Variants in MPRIP observed in about 807,000 individuals in gnomAD.
MPRIP encodes the protein myosin phosphatase Rho interacting protein.
MPRIP carries 59 observed loss-of-function variants against 234.9 expected under a neutral mutation model. The observed-to-expected ratio is 0.25, with a 90% CI of 0.20 to 0.31. The LOEUF is 0.31. MPRIP is among the 10% of genes least tolerant of loss of function. MPRIP has a pLI of 1.00. For synonymous variants in MPRIP, 1,144 were observed against 1,263.9 expected, an observed-to-expected ratio of 0.91 and a Z score of 2.01; for missense variants, 2,436 against 3,071.0, an observed-to-expected ratio of 0.79 and a Z score of 4.89.
chr17:17,176,576 G>T, intron 21 of MPRIP, 64 bp downstream of exon 21: 1 of 1,262,308 alleles, frequency 7.9e-7, no homozygotes, highest in South Asian at 1.2e-5. Context: ...TGCGCCTCCT[G>T]AACTCAGGCT....
chr17:17,062,991 G>A (rs2088912667), intron 1 of MPRIP, among the ~76,000 whole-genome samples: 1 of 152,220 alleles, frequency 6.6e-6, no homozygotes, highest in Non-Finnish European at 1.5e-5. Flanking sequence ...CTGGAGACTT[G>A]GACTCGAGAA....
intron 3 of MPRIP, among the ~76,000 whole-genome samples, chr17:17,115,758 A>G (rs1221103546): frequency 1.3e-5 from 2 of 151,776 alleles, no homozygotes; most frequent in Non-Finnish European, 3.0e-5. Flanking sequence ...ATGCAGCATC[A>G]TCTCACAACT....
chr17:17,085,023 A>G (rs941790197), intron 3 of MPRIP, among the ~76,000 whole-genome samples: 1 of 152,204 alleles, frequency 6.6e-6, no homozygotes, highest in Non-Finnish European at 1.5e-5. Flanking sequence ...TCAGTCTTAT[A>G]CTTTCAGGTT....
At chr17:17,176,542 T>C (rs1218608545) in intron 21 of MPRIP, 30 bp downstream of exon 21, 3 of 1,566,336 alleles carry the variant, frequency 1.9e-6, no homozygotes, top group Non-Finnish European at 2.6e-6. Context: ...GGAGGGCGGG[T>C]ACGGGAACAG....
At chr17:17,156,581 G>A (rs2045734967) in intron 13 of MPRIP, among the ~76,000 whole-genome samples, 1 of 152,212 alleles carries the variant, frequency 6.6e-6, no homozygotes, top group African/African-American at 2.4e-5. Context: ...TCCTGGGGTG[G>A]GGAAGTTGCA....
At chr17:17,109,479 C>T (rs555675047) in intron 3 of MPRIP, among the ~76,000 whole-genome samples, 1 of 152,286 alleles carries the variant, frequency 6.6e-6, no homozygotes, top group South Asian at 2.1e-4. Flanking sequence ...AAGGAACAGG[C>T]AGGCAAGGGA....
chr17:17,128,535 AC>A lies in MPRIP; in HGVS notation c.419+1683del, dbSNP rs1219343550. ...TGCCATACCCATGCAGCTTGGGTAG[AC>A]AAGATCGTTAATGGACCAAGGTACC... On this transcript the variant is annotated intron_variant, in intron 4 of 23. Transcript: ENST00000651222. Among the ~76,000 whole-genome samples, 3 of 152,126 alleles carry A rather than the reference AC, an allele frequency of 2.0e-5. No individual in the cohort carries two copies. In the East Asian group the frequency reaches 5.8e-4, roughly 29 times the overall value.
intron 1 of MPRIP, among the ~76,000 whole-genome samples, chr17:17,061,724 G>T (rs929753461): frequency 1.3e-5 from 2 of 152,140 alleles, no homozygotes; most frequent in African/African-American, 4.8e-5. Context: ...GGAGTCTGGG[G>T]TGGAGCCTGG....
chr17:17,173,794 A>T, intron 18 of MPRIP, 122 bp from the exon 19 acceptor site: 1 of 1,153,636 alleles, frequency 8.7e-7, no homozygotes, highest in Non-Finnish European at 1.3e-6. Context: ...CAGGCTGATT[A>T]AGACAACAGA....
intron 9 of MPRIP, among the ~76,000 whole-genome samples, chr17:17,143,960 G>A (rs2045399534): frequency 6.6e-6 from 1 of 152,240 alleles, no homozygotes; most frequent in South Asian, 2.1e-4. Context: ...AGGCGGCAGG[G>A]CTGCAGCAGG....
At chr17:17,064,141 G>A (rs2088948682) in intron 1 of MPRIP, among the ~76,000 whole-genome samples, 1 of 152,138 alleles carries the variant, frequency 6.6e-6, no homozygotes, top group Non-Finnish European at 1.5e-5. Context: ...ATACCCTGTA[G>A]ACCCCTGAGG....
chr17:17,045,534 C>T (rs1345668086), intron 1 of MPRIP, among the ~76,000 whole-genome samples: 1 of 152,150 alleles, frequency 6.6e-6, no homozygotes, highest in African/African-American at 2.4e-5. Flanking sequence ...GTTAGTTCCC[C>T]TACTCCTGTT....
At chr17:17,154,503 T>G (rs905192268) in intron 13 of MPRIP, 88 bp downstream of exon 13, 4 of 1,092,236 alleles carry the variant, frequency 3.7e-6, no homozygotes, top group Non-Finnish European at 5.6e-6. Flanking sequence ...GTCTGAAGTC[T>G]GAGACCTGAG....
chr17:17,165,761 C>T lies in MPRIP; in HGVS notation c.4170C>T (p.Leu1390=), dbSNP rs1045042357. 7.7e-7 allele frequency: 1 copy of T among 1,304,798 alleles called. No homozygotes were observed. Among genetic ancestry groups the T allele is most frequent in the Non-Finnish European group, 1.0e-6 (1 of 988,986 alleles). 80.8% of individuals were successfully genotyped at this position (1,304,798 alleles called of 1,614,324 possible). A position where few individuals can be genotyped will look rare whatever the true frequency, so the allele number is the denominator to read the frequency against. ...TCATCCACTCCCTGGAGACCAAGCT[C>T]TACGTCACAGAGGAAAAGCTCAAAG... is the stretch of plus-strand genomic sequence containing the variant. ...LSIIHSLETK[L]YVTEEKLKDV... is the part of the protein sequence containing the mutation. Residue 1390 remains leucine, a synonymous_variant, in exon 16 of 24, where the codon CTC becomes CTT. Transcript: ENST00000651222.
In MPRIP at chr17:17,165,907, A is replaced by T; in HGVS notation, c.4316A>T (p.Gln1439Leu). 7.7e-7 allele frequency: 1 copy of T among 1,303,954 alleles called. No homozygotes were observed. The highest frequency in any genetic ancestry group is 1.0e-6 in the Non-Finnish European group (1 of 988,794). The allele number at this position is 1,303,954 out of a possible 1,614,324, so 80.8% of individuals were successfully genotyped here. A position where few individuals can be genotyped will look rare whatever the true frequency, so the allele number is the denominator to read the frequency against. ...GAGCAGCTCCGCGCCAGCCTGCTCC[A>T]GGTTGGCGCACTGGCCTCCCAGCTG... is the stretch of plus-strand genomic sequence containing the variant. ...LREQLRASLL[Q>L]VGALASQLEQ... Residue 1439 changes from glutamine (Q) to leucine (L), a missense_variant, in exon 16 of 24, where the codon CAG becomes CTG. Physicochemically the swap from Gln to Leu is moderately radical, Grantham distance 113. This residue lies in a region of MPRIP where 1,998 missense variants were observed against 2,520.3 expected (regional missense o/e 0.79). Transcript: ENST00000651222.
At position 17,166,054 on chromosome 17, in the gene MPRIP, C is replaced by G. The variant is rs1264956904; in HGVS notation, c.4463C>G (p.Ser1488Cys). 3 of 1,303,056 alleles carry G rather than the reference C, an allele frequency of 2.3e-6. No homozygotes were observed. The highest frequency in any genetic ancestry group is 3.0e-6 in the Non-Finnish European group (3 of 988,248). The allele number at this position is 1,303,056 out of a possible 1,614,324, so 80.7% of individuals were successfully genotyped here. A position where few individuals can be genotyped will look rare whatever the true frequency, so the allele number is the denominator to read the frequency against. ...GAAAATTGCCGAGAACAACTGAGAT[C>G]TCTGCCTAGGGCCAGCCAGGAGGAT... is the stretch of plus-strand genomic sequence containing the variant. The part of the protein sequence containing the change: ...CLENCREQLR[S>C]LPRASQEDEQ... Residue 1488 changes from serine to cysteine, a missense_variant, in exon 16 of 24, where the codon TCT (serine) becomes TGT (cysteine). Ser to Cys is a moderately radical substitution (Grantham distance 112, BLOSUM62 -1). Transcript: ENST00000651222. The surrounding 1 kb of genome is among the most constrained non-coding windows in gnomAD (Gnocchi z 4.4).
At position 17,159,883 on chromosome 17, in the gene MPRIP, A is replaced by G. The variant is rs549068128; in HGVS notation, c.2400+881A>G. ...TTCTCATCTTTTTTGTATTTTATTAACTGTATGAGGCTGAGTTACCACCAG... is the reference window on the plus strand; with the variant it reads ...TTCTCATCTTTTTTGTATTTTATTAGCTGTATGAGGCTGAGTTACCACCAG... On this transcript the variant is annotated intron_variant, in intron 14 of 23. Coordinates refer to ENST00000651222, the MANE Select transcript of MPRIP (RefSeq NM_001364716.4). 5.3e-5 allele frequency among the ~76,000 whole-genome samples: 8 copies of G among 152,294 alleles called. No homozygotes were observed. The East Asian group carries it at 7.7e-4, about 15-fold the overall frequency.
In MPRIP at chr17:17,167,542, G is replaced by C; in HGVS notation, c.5951G>C (p.Arg1984Thr). The C allele has an allele frequency of 7.7e-7, 1 of 1,304,278 alleles. No homozygotes were observed. The highest frequency in any genetic ancestry group is 1.0e-6 in the Non-Finnish European group (1 of 988,974). 80.8% of individuals were successfully genotyped at this position (1,304,278 alleles called of 1,614,324 possible). The change falls in exon 16 of 24, where the codon AGG becomes ACG. Residue 1984 changes from arginine (R) to threonine (T), a missense_variant. Arg to Thr is a moderately conservative substitution (Grantham distance 71). This residue lies in a region of MPRIP where 1,998 missense variants were observed against 2,520.3 expected (regional missense o/e 0.79). Coordinates refer to ENST00000651222, the MANE Select transcript of MPRIP (RefSeq NM_001364716.4). The surrounding 1 kb of genome is among the most constrained non-coding windows in gnomAD (Gnocchi z 5.9). ...LSQLDASVRD[R>T]QDMERHHGEQ... Reference sequence around the variant, plus strand: ...CAGCTGGATGCCTCGGTCAGAGACAGGCAGGACATGGAGAGGCATCATGGT... The same window carrying C: ...CAGCTGGATGCCTCGGTCAGAGACACGCAGGACATGGAGAGGCATCATGGT...
intron 3 of MPRIP, among the ~76,000 whole-genome samples, chr17:17,088,803 G>A (rs2089649920): frequency 6.6e-6 from 1 of 151,180 alleles, no homozygotes; most frequent in African/African-American, 2.4e-5. Flanking sequence ...TAGTATGTTA[G>A]TGTCTTAGCC....
Sources: gnomAD v4.1 joint callset for allele counts (sites outside exome capture counted in the v4.1 genomes callset) on GRCh38, gnomAD v4.1.1 for gene constraint, gnomAD v4.1.1 regional missense constraint, Gnocchi (gnomAD v3.1) non-coding constraint, MANE v1.5 for transcripts, NCBI Gene and HGNC (gene_info 2026-07-23, HGNC 2026-07-21) for gene names.